OPA3: variants seen among roughly 807,000 people sequenced by gnomAD.
OPA3 encodes the protein optic atrophy 3 protein.
OPA3 carries 6 observed loss-of-function variants against 4.0 expected under a neutral mutation model. The ratio of observed to expected loss-of-function variants is 1.51; its 90% CI spans 0.83 to 2.99. The LOEUF is 2.99. Ranked by LOEUF, OPA3 falls within the 30% of genes most tolerant of loss-of-function variation. The probability of loss-of-function intolerance (pLI) is 0.00; values close to 1 mark genes in which losing one functional copy is unlikely to be tolerated. For missense variants in OPA3, 235 were observed against 256.2 expected, an observed-to-expected ratio of 0.92 and a Z score of 0.56; for synonymous variants, 105 against 117.1, an observed-to-expected ratio of 0.90 and a Z score of 0.67.
At chr19:45,527,852 CA>C (rs1263104805) in exon 2 of OPA3, 2 of 152,238 alleles carry the variant, frequency 1.3e-5, no homozygotes, top group Non-Finnish European at 2.9e-5. Context: ...AGAGCTCATC[CA>C]CGCCCCCTTC....
chr19:45,556,901 C>G (rs1047229166), intron 1 of OPA3, among the ~76,000 whole-genome samples: 26 of 152,196 alleles, frequency 1.7e-4, no homozygotes, highest in African/African-American at 6.3e-4. Context: ...CTGGGGTCCC[C>G]CCGGGGCTCC....
rs1438597412 is a variant in OPA3, at chr19:45,546,510, T to G, written c.*7004A>C. 5.1e-6 allele frequency: 3 copies of G among 582,624 alleles called. No individual in the cohort carries two copies. Among genetic ancestry groups the G allele is most frequent in the Non-Finnish European group, 6.5e-6 (3 of 462,748 alleles). 36.1% of individuals were successfully genotyped at this position (582,624 alleles called of 1,614,324 possible). A position where few individuals can be genotyped will look rare whatever the true frequency, so the allele number is the denominator to read the frequency against. ...TTACATAAACTCTGCTTTTTTTTTT[T>G]TTTGAGACAGGGTCTCACTTTGTCT... On this transcript the variant is annotated 3_prime_UTR_variant, in exon 2 of 2. Transcript: ENST00000263275.
rs1345577103 is a variant in OPA3 at position 45,547,134 on chromosome 19, A to G, written c.*6380T>C. 1 of 152,274 alleles carries G rather than the reference A, an allele frequency of 6.6e-6. No individual in the cohort carries two copies. The allele number at this position is 152,274 out of a possible 1,614,324, so 9.4% of individuals were successfully genotyped here. A position where few individuals can be genotyped will look rare whatever the true frequency, so the allele number is the denominator to read the frequency against. ...GGAAGCTGAAGCCAGATGTGGTGGA[A>G]GCAGAGGCCTGAGTGATCCTGTTGG... On this transcript the variant is annotated 3_prime_UTR_variant, in exon 2 of 2. Transcript: ENST00000263275.
intron 1 of OPA3, among the ~76,000 whole-genome samples, chr19:45,576,409 G>A (rs554310167): frequency 1.8e-4 from 27 of 151,902 alleles, no homozygotes; most frequent in African/African-American, 6.5e-4. Context: ...GTGGGTGCCA[G>A]GTGTGGTGGT....
chr19:45,538,315 G>A (rs1307958777), intron 1 of OPA3, among the ~76,000 whole-genome samples: 1 of 152,106 alleles, frequency 6.6e-6, no homozygotes, highest in African/African-American at 2.4e-5. Flanking sequence ...CAGCTCATCA[G>A]GAGGCTGAGG....
At chr19:45,573,577 C>A (rs1189747044) in intron 1 of OPA3, among the ~76,000 whole-genome samples, 1 of 152,106 alleles carries the variant, frequency 6.6e-6, no homozygotes, top group Non-Finnish European at 1.5e-5. Flanking sequence ...AAGCATAAAA[C>A]TGAGGCCCAG....
chr19:45,528,408 AGGTACTAAGAT>A, exon 2 of OPA3: 1 of 152,702 alleles, frequency 6.5e-6, no homozygotes, highest in Admixed American at 6.5e-5. Context: ...TGTCAATGAC[AGGTACTAAGAT>A]GGATTAAGGT....
At chr19:45,579,466 C>A (rs1470506088) in intron 1 of OPA3, among the ~76,000 whole-genome samples, 1 of 152,102 alleles carries the variant, frequency 6.6e-6, no homozygotes, top group Non-Finnish European at 1.5e-5. Flanking sequence ...AGTGATGCAC[C>A]AGCCTCAGCC....
exon 2 of OPA3, chr19:45,529,256 G>T (rs762247018): frequency 2.5e-6 from 4 of 1,613,724 alleles, no homozygotes; most frequent in African/African-American, 1.3e-5. Context: ...GCAACACGTC[G>T]CTCCTTTTCC....
At chr19:45,540,600 G>A (rs1466733218) in intron 1 of OPA3, among the ~76,000 whole-genome samples, 1 of 151,230 alleles carries the variant, frequency 6.6e-6, no homozygotes, top group African/African-American at 2.4e-5. Context: ...CAGGCACGGT[G>A]GCTCATACTA....
intron 1 of OPA3, among the ~76,000 whole-genome samples, chr19:45,540,424 G>A (rs545696455): frequency 7.2e-5 from 11 of 152,174 alleles, no homozygotes; most frequent in South Asian, 2.1e-4. Flanking sequence ...GCCAGGACAC[G>A]GTGGCTCATA....
At position 45,584,777 on chromosome 19, in the gene OPA3, A is replaced by T; in HGVS notation, c.-13T>A. 1 of 1,613,306 alleles carries T rather than the reference A, an allele frequency of 6.2e-7. No homozygotes were observed. Among genetic ancestry groups the T allele is most frequent in the South Asian group, 1.1e-5 (1 of 91,060 alleles). On this transcript the variant is annotated 5_prime_UTR_variant, in exon 1 of 2. Coordinates refer to ENST00000263275, the MANE Select transcript of OPA3 (RefSeq NM_025136.4). ...CGCCCACCACCATCTTGGCGGTCTC[A>T]CAGGGCACGCGCAACCTTGCTGACT... is the stretch of plus-strand genomic sequence containing the variant.
chr19:45,577,042 T>TC (rs1447936480), intron 1 of OPA3, among the ~76,000 whole-genome samples: 1 of 152,172 alleles, frequency 6.6e-6, no homozygotes, highest in African/African-American at 2.4e-5. Flanking sequence ...TCTCACAGCC[T>TC]CCCTGGGAGC....
chr19:45,572,540 T>C (rs1969693323), intron 1 of OPA3, among the ~76,000 whole-genome samples: 1 of 136,650 alleles, frequency 7.3e-6, no homozygotes, highest in African/African-American at 2.7e-5. Flanking sequence ...ATATATCATA[T>C]GATATATATA....
In OPA3 at chr19:45,546,682, T is replaced by G. The variant is rs1259866613; in HGVS notation, c.*6832A>C. On this transcript the variant is annotated 3_prime_UTR_variant, in exon 2 of 2. Transcript: ENST00000263275. ...GGCTAATTTTTTGTTTTGTTTTGTT[T>G]TGAGACCAAGTCTCACTCTGGCACC... The G allele has an allele frequency of 6.6e-6, 1 of 152,188 alleles. No homozygotes were observed. Among genetic ancestry groups the G allele is most frequent in the Non-Finnish European group, 1.5e-5 (1 of 68,194 alleles). The allele number at this position is 152,188 out of a possible 1,614,324, so 9.4% of individuals were successfully genotyped here.
intron 1 of OPA3, among the ~76,000 whole-genome samples, chr19:45,539,900 G>A (rs1331208720): frequency 6.6e-6 from 1 of 152,194 alleles, no homozygotes; most frequent in Non-Finnish European, 1.5e-5. Context: ...AAGGAGAATG[G>A]AGAGTCACTG....
chr19:45,549,756 A>C lies in OPA3; in HGVS notation c.*3758T>G, dbSNP rs757264789. 5 of 985,282 alleles carry C rather than the reference A, an allele frequency of 5.1e-6. No individual in the cohort carries two copies. Among genetic ancestry groups the C allele is most frequent in the Non-Finnish European group, 6.0e-6 (5 of 829,980 alleles). The allele number at this position is 985,282 out of a possible 1,614,324, so 61.0% of individuals were successfully genotyped here. A position where few individuals can be genotyped will look rare whatever the true frequency, so the allele number is the denominator to read the frequency against. ...TGGCCTCTCAAAGTGCTGGGATGAC[A>C]GGCGTGAGCTGGCCTGGGTCACTCC... On this transcript the variant is annotated 3_prime_UTR_variant, in exon 2 of 2. Transcript: ENST00000263275.
rs529172414 is a variant in OPA3 at position 45,553,454 on chromosome 19, G to A, written c.*60C>T. The A allele has an allele frequency of 2.1e-5, 33 of 1,606,680 alleles. No homozygotes were observed. In the African/African-American group the frequency reaches 3.7e-4, roughly 18 times the overall value. Reference sequence around the variant, plus strand: ...GCCAGCGCAGGCAAGGGTGGTGCGGGAAGAAGGCCACGTTAGGTACATAGG... The same window carrying A: ...GCCAGCGCAGGCAAGGGTGGTGCGGAAAGAAGGCCACGTTAGGTACATAGG... On this transcript the variant is annotated 3_prime_UTR_variant, in exon 2 of 2. Coordinates refer to ENST00000263275, the MANE Select transcript of OPA3 (RefSeq NM_025136.4).
At chr19:45,580,090 A>G (rs1213132796) in intron 1 of OPA3, among the ~76,000 whole-genome samples, 1 of 141,886 alleles carries the variant, frequency 7.0e-6, no homozygotes, top group African/African-American at 2.6e-5. Flanking sequence ...TCCGCCTCCC[A>G]TGTTCAAGTG....
Sources: gnomAD v4.1 joint callset for allele counts (sites outside exome capture counted in the v4.1 genomes callset) on GRCh38, gnomAD v4.1.1 for gene constraint, MANE v1.5 for transcripts, NCBI Gene and HGNC (gene_info 2026-07-23, HGNC 2026-07-21) for gene names.